ACOXL: variants seen among roughly 807,000 people sequenced by gnomAD.
ACOXL encodes acyl-coenzyme A oxidase-like protein.
In ACOXL, 70 loss-of-function variants were observed where a neutral mutation model predicts 71.9. That is an observed-to-expected ratio of 0.97 (90% CI 0.80 to 1.19). The LOEUF is 1.19. ACOXL is among the 50% of genes most tolerant of loss of function. The pLI, the probability that ACOXL is intolerant of heterozygous loss-of-function variation, is 0.00. For missense variants in ACOXL, 703 were observed against 736.3 expected, an observed-to-expected ratio of 0.95 and a Z score of 0.52; for synonymous variants, 253 against 281.6, an observed-to-expected ratio of 0.90 and a Z score of 1.02.
At position 111,117,980 on chromosome 2, in the gene ACOXL, G is replaced by A; in HGVS notation, c.*164G>A. The A allele has an allele frequency of 2.5e-6, 2 of 811,576 alleles. No homozygotes were observed. Among genetic ancestry groups the A allele is most frequent in the Non-Finnish European group, 3.8e-6 (2 of 530,158 alleles). The allele number at this position is 811,576 out of a possible 1,614,324, so 50.3% of individuals were successfully genotyped here. A position where few individuals can be genotyped will look rare whatever the true frequency, so the allele number is the denominator to read the frequency against. On this transcript the variant is annotated 3_prime_UTR_variant, in exon 18 of 18. Transcript: ENST00000439055. ...TCCCGCCGAGGCTGGCGAGGTGCGC[G>A]GCTGGCTGCTAGGAAAGAGATCCAG...
intron 15 of ACOXL, among the ~76,000 whole-genome samples, chr2:111,041,575 G>A (rs1053249731): frequency 2.6e-5 from 4 of 152,090 alleles, no homozygotes; most frequent in African/African-American, 9.7e-5. Context: ...AAGATGTGGT[G>A]ACAGTGGCTG....
rs1022212898 is a variant in ACOXL at position 110,984,425 on chromosome 2, G to A, written c.1060-2683G>A. On this transcript the variant is annotated intron_variant, in intron 12 of 17. Coordinates refer to ENST00000439055, the MANE Select transcript of ACOXL (RefSeq NM_001142807.4). ...TATAAAATAAAGTACTGGACCTAGAGTCTGTAATGCCCAAATCCCGTGGTA... is the reference window on the plus strand; with the variant it reads ...TATAAAATAAAGTACTGGACCTAGAATCTGTAATGCCCAAATCCCGTGGTA... Among the ~76,000 whole-genome samples, 8 of 152,206 alleles carry A rather than the reference G, an allele frequency of 5.3e-5. No individual in the cohort carries two copies. In the South Asian group the frequency reaches 1.0e-3, roughly 20 times the overall value.
intron 14 of ACOXL, among the ~76,000 whole-genome samples, chr2:111,004,514 C>T (rs2063784508): frequency 1.3e-5 from 2 of 152,148 alleles, no homozygotes; most frequent in Admixed American, 1.3e-4. Flanking sequence ...CCAGGAAATG[C>T]CCTTCCTTCA....
Position 111,035,984 on chromosome 2 carries a change from C to T in ACOXL, c.1369+4270C>T, listed in dbSNP as rs575067338. ...CTCCTCAAATGTGCATTACATTATG[C>T]AAGCTCAGATAAACAAAATGCCACA... On this transcript the variant is annotated intron_variant, in intron 15 of 17. Transcript: ENST00000439055. Among the ~76,000 whole-genome samples the T allele has an allele frequency of 2.0e-5, 3 of 152,358 alleles. No homozygotes were observed. In the South Asian group the frequency reaches 6.2e-4, roughly 32 times the overall value.
intron 14 of ACOXL, among the ~76,000 whole-genome samples, chr2:111,028,474 C>A (rs1358703261): frequency 2.0e-5 from 3 of 152,022 alleles, no homozygotes; most frequent in Admixed American, 1.3e-4. Flanking sequence ...CCTTTTTAAT[C>A]TCCTTTAATT....
At chr2:110,894,627 C>T (rs2058931814) in intron 10 of ACOXL, among the ~76,000 whole-genome samples, 1 of 152,134 alleles carries the variant, frequency 6.6e-6, no homozygotes, top group South Asian at 2.1e-4. Context: ...CAGGCCCTAG[C>T]ACCTGTGGCT....
At chr2:110,822,082 C>T (rs189996426) in intron 9 of ACOXL, among the ~76,000 whole-genome samples, 9 of 152,124 alleles carry the variant, frequency 5.9e-5, no homozygotes. Context: ...GAACCTTTCC[C>T]TGGTTCCTTT....
chr2:110,971,161 C>T (rs2062167497), intron 12 of ACOXL, among the ~76,000 whole-genome samples: 1 of 152,092 alleles, frequency 6.6e-6, no homozygotes, highest in African/African-American at 2.4e-5. Context: ...GTCAAAAAAA[C>T]ATCAACAGAC....
In ACOXL at chr2:111,079,263, C is replaced by T. The variant is rs575152849; in HGVS notation, c.1441-13602C>T. On this transcript the variant is annotated intron_variant, in intron 16 of 17. Transcript: ENST00000439055. ...TTTCTCATCTATCCCCCCAGCCTCT[C>T]GACCTTCTGAGTCTCCATTGACTGA... Among the ~76,000 whole-genome samples, 165 of 152,266 alleles carry T rather than the reference C, an allele frequency of 1.1e-3. 1 individual carries two copies. The highest frequency in any genetic ancestry group is 3.4e-3 in the Middle Eastern group (1 of 294).
intron 9 of ACOXL, among the ~76,000 whole-genome samples, chr2:110,838,605 A>G (rs1690747080): frequency 6.6e-6 from 1 of 152,194 alleles, no homozygotes; most frequent in Admixed American, 6.5e-5. Context: ...AATGAGGAAG[A>G]GCAGGCATAC....
chr2:111,109,749 G>A (rs2069815590), intron 17 of ACOXL, among the ~76,000 whole-genome samples: 1 of 131,562 alleles, frequency 7.6e-6, no homozygotes, highest in East Asian at 2.2e-4. Context: ...CATGATCTTG[G>A]CTCACTGCAA....
chr2:110,846,453 G>C (rs564621371), intron 10 of ACOXL, among the ~76,000 whole-genome samples: 2 of 152,270 alleles, frequency 1.3e-5, no homozygotes, highest in South Asian at 2.1e-4. Context: ...AGACACAGAG[G>C]GGGCAGGATT....
At chr2:110,747,869 T>C (rs1048491402) in intron 1 of ACOXL, among the ~76,000 whole-genome samples, 3 of 152,120 alleles carry the variant, frequency 2.0e-5, no homozygotes, top group African/African-American at 4.8e-5. Flanking sequence ...CCTTTCTACC[T>C]TACCACCTCC....
intron 12 of ACOXL, among the ~76,000 whole-genome samples, chr2:110,945,645 G>A (rs1410858495): frequency 1.3e-5 from 2 of 152,044 alleles, no homozygotes; most frequent in Non-Finnish European, 2.9e-5. Flanking sequence ...CGAAGATCAG[G>A]TGATCAGAGG....
chr2:110,924,024 A>G (rs2060178891), intron 11 of ACOXL, among the ~76,000 whole-genome samples: 1 of 152,194 alleles, frequency 6.6e-6, no homozygotes, highest in Non-Finnish European at 1.5e-5. Context: ...CACTGCAATA[A>G]AGTGAATATC....
At chr2:111,040,192 G>A (rs2065712860) in intron 15 of ACOXL, among the ~76,000 whole-genome samples, 1 of 152,194 alleles carries the variant, frequency 6.6e-6, no homozygotes, top group Admixed American at 6.5e-5. Flanking sequence ...GCTGAGCTCA[G>A]TTTGCTCTGT....
chr2:110,990,725 A>T (rs932538212), intron 13 of ACOXL, among the ~76,000 whole-genome samples: 2 of 152,186 alleles, frequency 1.3e-5, no homozygotes, highest in South Asian at 4.1e-4. Flanking sequence ...GATTAATTTT[A>T]TCAAATGATA....
At chr2:111,031,554 C>T (rs901789708) in intron 14 of ACOXL, 73 bp from the exon 15 acceptor site, 16 of 1,378,620 alleles carry the variant, frequency 1.2e-5, no homozygotes, top group Non-Finnish European at 1.7e-5. Context: ...GGATGTTTGC[C>T]GTCTGTCTTG....
At chr2:110,897,139 G>A (rs749263917) in intron 10 of ACOXL, among the ~76,000 whole-genome samples, 8 of 152,102 alleles carry the variant, frequency 5.3e-5, no homozygotes, top group Non-Finnish European at 1.0e-4. Context: ...ATAGTAAAAA[G>A]AGGAACTCTC....
Sources: allele counts gnomAD v4.1 joint callset (sites outside exome capture counted in the v4.1 genomes callset), GRCh38; gene constraint gnomAD v4.1.1; transcripts MANE v1.5; gene names NCBI Gene and HGNC (gene_info 2026-07-23, HGNC 2026-07-21).